TEX14: variants seen among roughly 807,000 people sequenced by gnomAD.
TEX14 encodes inactive serine/threonine-protein kinase TEX14.
Under a neutral mutation model 178.6 loss-of-function variants are expected in TEX14, and 168 were observed. The ratio of observed to expected loss-of-function variants is 0.94; its 90% CI spans 0.83 to 1.07. The LOEUF (loss-of-function observed/expected upper bound fraction) is 1.07. TEX14 is among the 50% of genes least tolerant of loss of function. The pLI, the probability that TEX14 is intolerant of heterozygous loss-of-function variation, is 0.00. For synonymous variants in TEX14, 626 were observed against 634.1 expected (o/e 0.99, Z 0.19); for missense variants, 1,730 against 1,753.6 (o/e 0.99, Z 0.24).
rs774276378 is a variant in TEX14, at chr17:58,577,384, G to T, written c.3311C>A (p.Pro1104His). The change falls in exon 21 of 32, where the codon CCT (proline) becomes CAT (histidine). Residue 1104 changes from proline to histidine, a missense_variant. Transcript: ENST00000349033. ...AEILPRSQFQ[P>H]VRSTEDEQEE... is the part of the protein sequence containing the mutation. ...TAATAATAGCCCATACCTTCGTACA[G>T]GTTGAAATTGAGACCTGGGCAAAAT... 1.4e-6 allele frequency: 2 copies of T among 1,460,942 alleles called. No homozygotes were observed. Among genetic ancestry groups the T allele is most frequent in the South Asian group, 1.4e-5 (1 of 72,846 alleles). 90.5% of individuals were successfully genotyped at this position (1,460,942 alleles called of 1,614,324 possible). A position where few individuals can be genotyped will look rare whatever the true frequency, so the allele number is the denominator to read the frequency against.
At chr17:58,573,428 G>T in intron 22 of TEX14, 120 bp from the exon 23 acceptor site, 1 of 810,366 alleles carries the variant, frequency 1.2e-6, no homozygotes. Flanking sequence ...CAATAGGCCA[G>T]AATTAGAGAA....
At chr17:58,637,951 TC>T (rs574099657) in intron 2 of TEX14, among the ~76,000 whole-genome samples, 132 of 149,020 alleles carry the variant, frequency 8.9e-4, no homozygotes, top group African/African-American at 2.9e-3. Flanking sequence ...AACCTCTGCC[TC>T]CCAGGTTCAA....
chr17:58,609,434 G>C (rs536533943), intron 10 of TEX14, among the ~76,000 whole-genome samples: 6 of 152,234 alleles, frequency 3.9e-5, no homozygotes, highest in Admixed American at 3.9e-4. Flanking sequence ...GTAGAGATGG[G>C]GTTTCTCAAT....
chr17:58,661,378 A>G, intron 1 of TEX14: 2 of 923,574 alleles, frequency 2.2e-6, no homozygotes, highest in African/African-American at 1.6e-5. Flanking sequence ...GGTCGGTGGA[A>G]GTAATCTCCT....
chr17:58,660,599 C>T (rs755064024), intron 1 of TEX14: 2 of 796,578 alleles, frequency 2.5e-6, no homozygotes, highest in Non-Finnish European at 4.6e-6. Flanking sequence ...CTGTCGGTTG[C>T]CGTAGCCCCT....
In TEX14 at chr17:58,616,245, T is replaced by C. The variant is rs1231539982; in HGVS notation, c.697A>G (p.Lys233Glu). Residue 233 changes from lysine (K) to glutamate (E), a missense_variant, in exon 7 of 32, where the codon AAG (lysine) becomes GAG (glutamate). Lys to Glu is a moderately conservative substitution (Grantham distance 56, BLOSUM62 1). This residue lies in a region of TEX14 where 789 missense variants were observed against 681.2 expected (regional missense o/e 1.16). Coordinates refer to ENST00000349033, the MANE Select transcript of TEX14 (RefSeq NM_031272.5). ...YLGSLPVIGE[K>E]EVIQADDEPT... ...TCATCATCAGCTTGAATCACTTCCT[T>C]TTCTCCAATGACCGGAAGAGATCCT... The C allele has an allele frequency of 2.5e-6, 4 of 1,613,844 alleles. No individual in the cohort carries two copies. The highest frequency in any genetic ancestry group is 1.1e-5 in the South Asian group (1 of 91,056).
At chr17:58,590,964 G>C (rs959244980) in intron 15 of TEX14, among the ~76,000 whole-genome samples, 2 of 151,484 alleles carry the variant, frequency 1.3e-5, no homozygotes, top group African/African-American at 4.9e-5. Context: ...TACACATATC[G>C]TAATTGTCAC....
chr17:58,630,396 C>T (rs1476846076), intron 3 of TEX14, 44 bp downstream of exon 3: 1 of 1,411,566 alleles, frequency 7.1e-7, no homozygotes, highest in South Asian at 1.2e-5. Flanking sequence ...CTCATCTTAA[C>T]AGCACAACCC....
chr17:58,609,473 C>T (rs867699122), intron 10 of TEX14, among the ~76,000 whole-genome samples: 1 of 152,140 alleles, frequency 6.6e-6, no homozygotes, highest in South Asian at 2.1e-4. Flanking sequence ...GAACTCCCAA[C>T]CTCAGGTGAT....
At chr17:58,627,982 T>C (rs1311871158) in intron 3 of TEX14, among the ~76,000 whole-genome samples, 1 of 137,724 alleles carries the variant, frequency 7.3e-6, no homozygotes, top group African/African-American at 2.7e-5. Flanking sequence ...CTCAAACTCC[T>C]GGGCTCGAGC....
intron 19 of TEX14, among the ~76,000 whole-genome samples, chr17:58,583,848 G>A (rs2044883619): frequency 1.3e-5 from 2 of 152,176 alleles, no homozygotes; most frequent in African/African-American, 2.4e-5. Flanking sequence ...TAGGTCAAAA[G>A]ACCTTACATT....
Position 58,557,835 on chromosome 17 carries a change from C to G in TEX14, c.4283G>C (p.Cys1428Ser). The G allele has an allele frequency of 6.2e-7, 1 of 1,611,958 alleles. No individual in the cohort carries two copies. Among genetic ancestry groups the G allele is most frequent in the Non-Finnish European group, 8.5e-7 (1 of 1,178,878 alleles). The part of the protein sequence containing the change: ...GTSEEDELKS[C>S]FWKRLGWSES... Reference sequence around the variant, plus strand: ...GGACCAACCTAGTCGCTTCCAAAAACAGGATTTTAGTTCATCTTGATGAAA... The same window carrying G: ...GGACCAACCTAGTCGCTTCCAAAAAGAGGATTTTAGTTCATCTTGATGAAA... The change falls in exon 31 of 32, where the codon TGT becomes TCT. Residue 1428 changes from cysteine to serine, a missense_variant. Transcript: ENST00000349033.
intron 1 of TEX14, among the ~76,000 whole-genome samples, chr17:58,689,179 C>T (rs1375481011): frequency 2.0e-5 from 3 of 151,988 alleles, no homozygotes; most frequent in East Asian, 1.9e-4. Flanking sequence ...CCGCCCACCT[C>T]GGCCTCCCAA....
intron 19 of TEX14, among the ~76,000 whole-genome samples, chr17:58,580,404 C>T (rs189682195): frequency 2.6e-5 from 4 of 152,100 alleles, no homozygotes; most frequent in Non-Finnish European, 4.4e-5. Context: ...CTCTGTCCCC[C>T]GGGTTCAAGC....
At chr17:58,637,459 A>G (rs931448449) in intron 2 of TEX14, among the ~76,000 whole-genome samples, 17 of 152,016 alleles carry the variant, frequency 1.1e-4, no homozygotes, top group African/African-American at 4.1e-4. Flanking sequence ...CTGCTCCCCA[A>G]CCTCCGGGGA....
chr17:58,619,428 C>T (rs189708527), intron 5 of TEX14, among the ~76,000 whole-genome samples: 9 of 152,246 alleles, frequency 5.9e-5, no homozygotes, highest in South Asian at 2.1e-4. Flanking sequence ...TGCAAACACA[C>T]GTGTGAGGAA....
intron 29 of TEX14, 92 bp downstream of exon 29, chr17:58,561,428 G>A (rs900096996): frequency 7.0e-6 from 6 of 857,848 alleles, no homozygotes; most frequent in Non-Finnish European, 1.2e-5. Context: ...TCAATGTAAT[G>A]CCATCATCAG....
At chr17:58,612,017 G>A (rs923183189) in intron 9 of TEX14, among the ~76,000 whole-genome samples, 7 of 152,072 alleles carry the variant, frequency 4.6e-5, no homozygotes, top group African/African-American at 1.7e-4. Context: ...TTAGAACAAA[G>A]TCATGGAGGA....
rs528046765 is a variant in TEX14, at chr17:58,676,432, C to T, written c.-2+15507G>A. Among the ~76,000 whole-genome samples the T allele has an allele frequency of 2.1e-4, 32 of 150,604 alleles. No homozygotes were observed. The East Asian group carries it at 5.3e-3, about 25-fold the overall frequency. On this transcript the variant is annotated intron_variant, in intron 1 of 31. Coordinates refer to ENST00000349033, the MANE Select transcript of TEX14 (RefSeq NM_031272.5). ...AAAAAAACCCAGGCGTGGTGGCAGG[C>T]GTCTGTAATCTCAGCTACTCGGGAG... is the stretch of plus-strand genomic sequence containing the variant.
Sources: gnomAD v4.1 joint callset for allele counts (sites outside exome capture counted in the v4.1 genomes callset) on GRCh38, gnomAD v4.1.1 for gene constraint, gnomAD v4.1.1 regional missense constraint, MANE v1.5 for transcripts, NCBI Gene and HGNC (gene_info 2026-07-23, HGNC 2026-07-21) for gene names.